The following RPGR variants were observed in gnomAD, a reference collection of about 807,000 sequenced individuals.
RPGR encodes retinitis pigmentosa GTPase regulator.
RPGR carries 10 observed loss-of-function variants against 56.3 expected under a neutral mutation model. That is an observed-to-expected ratio of 0.18 (90% CI 0.11 to 0.30). RPGR has a LOEUF of 0.30. Ranked by LOEUF, RPGR falls within the 10% of genes least tolerant of loss-of-function variation. The pLI, the probability that RPGR is intolerant of heterozygous loss-of-function variation, is 1.00. For missense variants in RPGR, 538 were observed against 590.9 expected (o/e 0.91, Z 0.93); for synonymous variants, 197 against 212.9 (o/e 0.93, Z 0.65).
intron 12 of RPGR, 124 bp downstream of exon 12, chrX:38,291,269 A>T: frequency 4.3e-6 from 2 of 461,371 alleles, no homozygotes; most frequent in Non-Finnish European, 7.3e-6. Flanking sequence ...TGGTTAAAAA[A>T]TAAAGTAAGA....
intron 7 of RPGR, among the ~76,000 whole-genome samples, chrX:38,307,918 T>C (rs1331209196): frequency 8.9e-6 from 1 of 112,245 alleles, no homozygotes; most frequent in Non-Finnish European, 1.9e-5. Context: ...AGTGCAGTCA[T>C]GTTTTTCAAT....
intron 8 of RPGR, among the ~76,000 whole-genome samples, chrX:38,302,373 C>A (rs2067517362): frequency 9.0e-6 from 1 of 111,104 alleles, no homozygotes; most frequent in Admixed American, 9.6e-5. Context: ...ATCTTCCAGG[C>A]AGAGTCAGCA....
At chrX:38,295,391 A>C (rs1446223993) in intron 11 of RPGR, among the ~76,000 whole-genome samples, 1 of 112,362 alleles carries the variant, frequency 8.9e-6, no homozygotes. Context: ...CAACTTCCAA[A>C]ATGTTTTCTT....
chrX:38,297,121 C>T (rs1020066867), intron 11 of RPGR, among the ~76,000 whole-genome samples, 163 bp downstream of exon 11: 5 of 111,908 alleles, frequency 4.5e-5, no homozygotes, highest in African/African-American at 1.6e-4. Context: ...GTGCTTTCTA[C>T]TTGTAAGGAT....
intron 14 of RPGR, 63 bp downstream of exon 14, chrX:38,287,798 C>A: frequency 2.0e-6 from 2 of 1,013,173 alleles, no homozygotes; most frequent in Non-Finnish European, 2.8e-6. Context: ...TGTCTATATA[C>A]CTCTTTTTGT....
intron 7 of RPGR, among the ~76,000 whole-genome samples, chrX:38,308,943 C>T (rs2067654404): frequency 8.9e-6 from 1 of 111,849 alleles, no homozygotes. Context: ...TTAGGCATAT[C>T]ATCTTAGAAT....
At chrX:38,321,985 T>C (rs932744332) in intron 3 of RPGR, among the ~76,000 whole-genome samples, 6 of 112,105 alleles carry the variant, frequency 5.4e-5, no homozygotes, top group Non-Finnish European at 9.4e-5. Context: ...TCCTGTTAGC[T>C]TGTCTATTAG....
intron 3 of RPGR, 100 bp from the exon 4 acceptor site, chrX:38,321,189 G>A (rs764408164): frequency 2.0e-4 from 125 of 628,094 alleles, no homozygotes; most frequent in Middle Eastern, 4.2e-4. Context: ...ATTTAATAGC[G>A]GGCTTGTCTG....
chrX:38,306,107 G>A (rs986229042), intron 7 of RPGR, among the ~76,000 whole-genome samples: 2 of 111,987 alleles, frequency 1.8e-5, no homozygotes, highest in Non-Finnish European at 3.8e-5. Flanking sequence ...ATTAGGAAGC[G>A]CAGTGTCGAT....
chrX:38,304,936 T>C, intron 7 of RPGR, 146 bp from the exon 8 acceptor site: 1 of 508,021 alleles, frequency 2.0e-6, no homozygotes, highest in South Asian at 3.0e-5. Flanking sequence ...TACTTAATAT[T>C]GAAGTATAAA....
At chrX:38,321,268 A>G (rs761966211) in intron 3 of RPGR, among the ~76,000 whole-genome samples, 179 bp from the exon 4 acceptor site, 1 of 112,079 alleles carries the variant, frequency 8.9e-6, no homozygotes, top group Non-Finnish European at 1.9e-5. Flanking sequence ...CATCATAACA[A>G]GTGGAGCTTT....
chrX:38,308,462 T>A (rs2067646900), intron 7 of RPGR, among the ~76,000 whole-genome samples: 1 of 111,981 alleles, frequency 8.9e-6, no homozygotes, highest in Non-Finnish European at 1.9e-5. Context: ...TATCATAGAT[T>A]ATCTTGTTGC....
intron 7 of RPGR, among the ~76,000 whole-genome samples, chrX:38,305,363 C>T (rs1186740993): frequency 9.0e-6 from 1 of 110,693 alleles, no homozygotes; most frequent in African/African-American, 3.3e-5. Flanking sequence ...TGCAGTGGGC[C>T]AAGATTGCAC....
intron 15 of RPGR, among the ~76,000 whole-genome samples, chrX:38,277,472 C>CT (rs765674122): frequency 4.6e-4 from 47 of 101,549 alleles, no homozygotes; most frequent in African/African-American, 1.0e-3. Flanking sequence ...ACTGAGATTT[C>CT]TTTTTTTTTT....
intron 15 of RPGR, chrX:38,285,903 C>A (rs765404267): frequency 1.7e-6 from 2 of 1,180,929 alleles, no homozygotes; most frequent in Non-Finnish European, 2.3e-6. Context: ...CCTCTCCTTC[C>A]CCCTCTCCTT....
chrX:38,298,753 T>G (rs962733563), intron 10 of RPGR, among the ~76,000 whole-genome samples: 1 of 112,123 alleles, frequency 8.9e-6, no homozygotes, highest in African/African-American at 3.2e-5. Flanking sequence ...AATTTTCTAA[T>G]TTGTGTCTTT....
Position 38,317,211 on chromosome X carries a change from A to G in RPGR, c.619+105T>C, listed in dbSNP as rs768655724. On this transcript the variant is annotated intron_variant, in intron 6 of 18. Transcript: ENST00000642395. ...CCAAAATAATTTCATTACATGGACA[A>G]CCATGGCATTATTTCTATAGAACCA... 6.1e-6 allele frequency: 5 copies of G among 825,562 alleles called. No homozygotes were observed. The African/African-American group carries it at 6.2e-5, about 10-fold the overall frequency. 68.0% of individuals were successfully genotyped at this position (825,562 alleles called of 1,213,427 possible).
intron 16 of RPGR, among the ~76,000 whole-genome samples, chrX:38,275,718 T>C (rs945291326): frequency 9.0e-6 from 1 of 111,493 alleles, no homozygotes; most frequent in Admixed American, 9.5e-5. Context: ...GACAAATATG[T>C]TTCAGTGGTT....
intron 4 of RPGR, among the ~76,000 whole-genome samples, chrX:38,320,214 G>A (rs2067906711): frequency 9.3e-6 from 1 of 107,817 alleles, no homozygotes; most frequent in Admixed American, 1.0e-4. Context: ...GGTATGGAGA[G>A]GTGGAGAGGA....
Sources: gnomAD v4.1 joint callset for allele counts (sites outside exome capture counted in the v4.1 genomes callset) on GRCh38, gnomAD v4.1.1 for gene constraint, MANE v1.5 for transcripts, NCBI Gene and HGNC (gene_info 2026-07-23, HGNC 2026-07-21) for gene names.